RPS6KC1: variants seen among roughly 807,000 people sequenced by gnomAD.
RPS6KC1 encodes ribosomal protein S6 kinase C1, also known as inactive ribosomal protein S6 kinase delta-1.
RPS6KC1 carries 54 observed loss-of-function variants against 103.8 expected under a neutral mutation model. The ratio of observed to expected loss-of-function variants is 0.52; its 90% CI spans 0.42 to 0.65. The LOEUF is 0.65. Among genes scored for constraint, RPS6KC1 ranks in the 30% least tolerant of loss-of-function variants. The pLI is 0.00. For synonymous variants in RPS6KC1, 439 were observed against 438.7 expected (o/e 1.00, Z -0.01); for missense variants, 1,151 against 1,253.8 (o/e 0.92, Z 1.24).
the RPS6KC1 span, among the ~76,000 whole-genome samples, chr1:213,845,033 C>T: frequency 1.8e-4 from 28 of 151,984 alleles, no homozygotes; most frequent in South Asian, 1.0e-3. Context: ...CTTCTGCCCC[C>T]GCACTTCAAC....
chr1:213,061,344 AC>A (rs1419715155), intron 1 of RPS6KC1, among the ~76,000 whole-genome samples: 2 of 152,212 alleles, frequency 1.3e-5, no homozygotes, highest in Non-Finnish European at 2.9e-5. Flanking sequence ...ACTCCAGAGA[AC>A]TAAAAATTAT....
At chr1:213,548,656 T>C in the RPS6KC1 span, among the ~76,000 whole-genome samples, 2 of 151,952 alleles carry the variant, frequency 1.3e-5, no homozygotes, top group Non-Finnish European at 1.5e-5. Context: ...CAAGAGTCTG[T>C]CTCAAAAAAA....
intron 4 of RPS6KC1, 136 bp from the exon 5 acceptor site, chr1:213,117,181 C>A: frequency 2.0e-6 from 1 of 504,106 alleles, no homozygotes; most frequent in Non-Finnish European, 3.5e-6. Flanking sequence ...TTTGAAAACA[C>A]TTGTCATCTA....
At chr1:213,620,782 G>C in the RPS6KC1 span, among the ~76,000 whole-genome samples, 9,229 of 152,242 alleles carry the variant, frequency 0.061, 624 homozygotes, top group East Asian at 0.29. Flanking sequence ...AAGGGAAAAA[G>C]TCAAGGTTGG....
chr1:213,530,950 T>C, the RPS6KC1 span, among the ~76,000 whole-genome samples: 17 of 152,226 alleles, frequency 1.1e-4, no homozygotes, highest in African/African-American at 4.1e-4. Flanking sequence ...GAATGTCTTG[T>C]GTATACAGAT....
chr1:213,318,434 G>A, the RPS6KC1 span, among the ~76,000 whole-genome samples: 2 of 152,332 alleles, frequency 1.3e-5, no homozygotes, highest in Admixed American at 6.5e-5. Context: ...AATTTGATGC[G>A]CTGCTTGGAC....
chr1:213,855,245 C>G, the RPS6KC1 span, among the ~76,000 whole-genome samples: 12 of 152,222 alleles, frequency 7.9e-5, no homozygotes, highest in African/African-American at 2.9e-4. Flanking sequence ...GACACAAATA[C>G]AGCAGATGTC....
At chr1:213,593,065 A>AGT in the RPS6KC1 span, among the ~76,000 whole-genome samples, 2 of 139,978 alleles carry the variant, frequency 1.4e-5, no homozygotes, top group Non-Finnish European at 3.1e-5. Context: ...CATTACAAAC[A>AGT]GTGTTCAGCA....
At chr1:213,620,134 C>T in the RPS6KC1 span, among the ~76,000 whole-genome samples, 2 of 152,186 alleles carry the variant, frequency 1.3e-5, no homozygotes, top group African/African-American at 4.8e-5. Context: ...ACAGGTTGTT[C>T]CATTTGTGTA....
the RPS6KC1 span, among the ~76,000 whole-genome samples, chr1:213,770,431 G>A: frequency 2.4e-4 from 36 of 152,296 alleles, no homozygotes; most frequent in African/African-American, 6.7e-4. Flanking sequence ...AATAAGTAAT[G>A]TTGTCTCCGG....
chr1:213,293,731 G>A, the RPS6KC1 span, among the ~76,000 whole-genome samples: 1 of 152,046 alleles, frequency 6.6e-6, no homozygotes. Flanking sequence ...CTTCATAGGT[G>A]CCTTCTTGGA....
chr1:213,246,822 T>C (rs935897673), intron 12 of RPS6KC1, among the ~76,000 whole-genome samples: 3 of 151,758 alleles, frequency 2.0e-5, no homozygotes, highest in Admixed American at 1.3e-4. Flanking sequence ...GAGACTGCAG[T>C]GTGCTATGAT....
chr1:213,115,723 G>A (rs1232343917), intron 4 of RPS6KC1, among the ~76,000 whole-genome samples: 2 of 152,048 alleles, frequency 1.3e-5, no homozygotes, highest in South Asian at 2.1e-4. Flanking sequence ...ACACTGCTTT[G>A]AATGTGTCCC....
chr1:213,485,758 G>A, the RPS6KC1 span, among the ~76,000 whole-genome samples: 4 of 152,144 alleles, frequency 2.6e-5, no homozygotes, highest in African/African-American at 4.8e-5. Flanking sequence ...TCTGCTAGCC[G>A]CTGGAGAAGA....
At chr1:213,301,082 G>GT in the RPS6KC1 span, among the ~76,000 whole-genome samples, 23 of 152,226 alleles carry the variant, frequency 1.5e-4, no homozygotes, top group Admixed American at 1.2e-3. Context: ...TAGGGTTCAT[G>GT]TTTTTTCCAC....
At chr1:213,730,590 T>C in the RPS6KC1 span, among the ~76,000 whole-genome samples, 1 of 152,358 alleles carries the variant, frequency 6.6e-6, no homozygotes, top group South Asian at 2.1e-4. Flanking sequence ...TCTGTTCATG[T>C]CCTTTGCCCA....
the RPS6KC1 span, among the ~76,000 whole-genome samples, chr1:213,606,092 CAT>C: frequency 1.3e-5 from 2 of 152,124 alleles, no homozygotes. Context: ...TATTGACAGA[CAT>C]AGTTTCTGAA....
chr1:213,691,861 C>T, the RPS6KC1 span, among the ~76,000 whole-genome samples: 1 of 152,220 alleles, frequency 6.6e-6, no homozygotes, highest in South Asian at 2.1e-4. Context: ...AGGCAGTGAC[C>T]TTCTGGCTGG....
intron 14 of RPS6KC1, 99 bp downstream of exon 14, chr1:213,262,915 A>G: frequency 1.3e-6 from 1 of 766,682 alleles, no homozygotes; most frequent in African/African-American, 1.7e-5. Context: ...GAGCAAGAAA[A>G]ACCCATTTAA....
Sources: gnomAD v4.1 joint callset for allele counts (sites outside exome capture counted in the v4.1 genomes callset) on GRCh38, gnomAD v4.1.1 for gene constraint, MANE v1.5 for transcripts, NCBI Gene and HGNC (gene_info 2026-07-23, HGNC 2026-07-21) for gene names.